Variants in STXBP4 observed in about 807,000 individuals in gnomAD.
STXBP4 encodes the protein syntaxin binding protein 4, also known as syntaxin-binding protein 4.
STXBP4 carries 55 observed loss-of-function variants against 76.1 expected under a neutral mutation model. That is an observed-to-expected ratio of 0.72 (90% CI 0.58 to 0.91). The LOEUF (loss-of-function observed/expected upper bound fraction) is 0.91, where lower values mean the gene tolerates loss of function less well. STXBP4 is among the 40% of genes least tolerant of loss of function. The pLI is 0.00. For synonymous variants in STXBP4, 201 were observed against 220.2 expected (o/e 0.91, Z 0.77); for missense variants, 618 against 636.9 (o/e 0.97, Z 0.32).
rs2078031963 is a variant in STXBP4, at chr17:55,007,512, CT to C, written c.583del (p.Ser195LeufsTer15). On this transcript the variant is annotated frameshift_variant, in exon 8 of 18. Transcript: ENST00000376352. LOFTEE classifies it high-confidence loss of function. ...STVGLSNTDV[A>X]SAWTENYGLQ... The stretch of plus-strand genomic sequence containing the variant: ...GCACCCTGTTGTCTCTTAGATGTTG[CT>C]TCTGCCTGGACTGAAAATTATGGGC... 6.8e-6 allele frequency: 11 copies of C among 1,610,552 alleles called. No homozygotes were observed. Among genetic ancestry groups the C allele is most frequent in the African/African-American group, 1.3e-5 (1 of 74,596 alleles).
chr17:55,057,958 T>C (rs2078950685), intron 12 of STXBP4, among the ~76,000 whole-genome samples: 1 of 152,232 alleles, frequency 6.6e-6, no homozygotes, highest in Admixed American at 6.5e-5. Flanking sequence ...CTATCATTGA[T>C]GGGCATTTGG....
chr17:55,078,256 TAAATGTTACTGTA>T, intron 14 of STXBP4, 62 bp downstream of exon 14: 1 of 1,052,162 alleles, frequency 9.5e-7, no homozygotes, highest in Non-Finnish European at 1.4e-6. Context: ...GGCATATAGA[TAAATGTTACTGTA>T]TTTGGTACCT....
intron 13 of STXBP4, among the ~76,000 whole-genome samples, chr17:55,076,745 CT>C (rs376122495): frequency 2.0e-5 from 3 of 152,074 alleles, no homozygotes; most frequent in African/African-American, 7.2e-5. Flanking sequence ...CTCTTTCATT[CT>C]TTGTATTTGT....
chr17:55,147,212 A>AT (rs918815973), intron 17 of STXBP4, among the ~76,000 whole-genome samples: 2 of 152,122 alleles, frequency 1.3e-5, no homozygotes, highest in Admixed American at 1.3e-4. Flanking sequence ...GTAGAAGATA[A>AT]TTTTTTCATG....
the STXBP4 span, among the ~76,000 whole-genome samples, chr17:55,208,002 T>C: frequency 6.6e-6 from 1 of 151,354 alleles, no homozygotes; most frequent in African/African-American, 2.4e-5. Flanking sequence ...ATAGTAATGG[T>C]AGTAATAATA....
At chr17:55,052,019 A>G (rs2078865869) in intron 12 of STXBP4, among the ~76,000 whole-genome samples, 2 of 152,184 alleles carry the variant, frequency 1.3e-5, no homozygotes, top group African/African-American at 2.4e-5. Flanking sequence ...AAAAAACATT[A>G]AGTCAAACCA....
At chr17:55,090,100 T>C (rs1424044116) in intron 16 of STXBP4, among the ~76,000 whole-genome samples, 1 of 152,040 alleles carries the variant, frequency 6.6e-6, no homozygotes, top group Non-Finnish European at 1.5e-5. Flanking sequence ...ACTCTTAATA[T>C]GTTCTGATTT....
At chr17:55,108,382 T>A (rs1335934126) in intron 16 of STXBP4, among the ~76,000 whole-genome samples, 2 of 152,138 alleles carry the variant, frequency 1.3e-5, no homozygotes, top group Non-Finnish European at 2.9e-5. Context: ...ACCCCTTGGC[T>A]CCCTGGCTTC....
chr17:55,066,843 G>T (rs762658383), intron 12 of STXBP4, among the ~76,000 whole-genome samples: 10 of 152,046 alleles, frequency 6.6e-5, no homozygotes, highest in African/African-American at 1.4e-4. Context: ...TCAAGATCAT[G>T]CCACTCCACT....
intron 16 of STXBP4, among the ~76,000 whole-genome samples, chr17:55,090,682 T>G (rs934011858): frequency 6.6e-6 from 1 of 152,128 alleles, no homozygotes; most frequent in African/African-American, 2.4e-5. Context: ...TGCATACATA[T>G]ACATATAAAT....
chr17:55,123,007 A>G (rs1164071409), intron 16 of STXBP4, among the ~76,000 whole-genome samples: 1 of 152,180 alleles, frequency 6.6e-6, no homozygotes, highest in Non-Finnish European at 1.5e-5. Flanking sequence ...TTTTATTCAC[A>G]TTTATGGGAG....
intron 10 of STXBP4, among the ~76,000 whole-genome samples, chr17:55,040,281 G>A (rs1361913432): frequency 6.6e-6 from 1 of 152,004 alleles, no homozygotes; most frequent in Non-Finnish European, 1.5e-5. Flanking sequence ...TAGAAATATG[G>A]GAGTGAGAGG....
chr17:55,058,999 T>C (rs1397249757), intron 12 of STXBP4, among the ~76,000 whole-genome samples: 4 of 152,204 alleles, frequency 2.6e-5, no homozygotes, highest in South Asian at 2.1e-4. Flanking sequence ...TAAACACACT[T>C]TTTGCAAATT....
At chr17:55,085,019 C>T (rs1210117480) in intron 16 of STXBP4, among the ~76,000 whole-genome samples, 1 of 152,180 alleles carries the variant, frequency 6.6e-6, no homozygotes, top group Non-Finnish European at 1.5e-5. Context: ...CCATGGAATA[C>T]TATGCAGCCA....
the STXBP4 span, among the ~76,000 whole-genome samples, chr17:55,192,118 C>T: frequency 4.6e-5 from 7 of 152,118 alleles, no homozygotes; most frequent in East Asian, 3.9e-4. Flanking sequence ...AAAAGAAATA[C>T]GTGCTATTGA....
intron 7 of STXBP4, among the ~76,000 whole-genome samples, chr17:55,003,564 C>G (rs977765803): frequency 1.4e-4 from 21 of 152,144 alleles, no homozygotes; most frequent in Admixed American, 9.2e-4. Context: ...AGAAATTAAC[C>G]ATCACTTCTA....
At chr17:55,134,074 A>C (rs2080000970) in intron 16 of STXBP4, among the ~76,000 whole-genome samples, 2 of 152,096 alleles carry the variant, frequency 1.3e-5, no homozygotes. Context: ...GAGGGAACAT[A>C]GATGTTAGGG....
intron 8 of STXBP4, among the ~76,000 whole-genome samples, chr17:55,014,920 T>C (rs939147554): frequency 6.6e-6 from 1 of 152,130 alleles, no homozygotes; most frequent in Admixed American, 6.5e-5. Flanking sequence ...GTGGCCTTTT[T>C]TTTTTGTCCC....
intron 17 of STXBP4, among the ~76,000 whole-genome samples, chr17:55,152,464 A>T (rs2080227031): frequency 6.6e-6 from 1 of 152,192 alleles, no homozygotes; most frequent in African/African-American, 2.4e-5. Context: ...ACTGCTATAA[A>T]GATATCACCT....
Sources: gnomAD v4.1 joint callset for allele counts (sites outside exome capture counted in the v4.1 genomes callset) on GRCh38, gnomAD v4.1.1 for gene constraint, MANE v1.5 for transcripts, NCBI Gene and HGNC (gene_info 2026-07-23, HGNC 2026-07-21) for gene names.